Variants in COL4A3 observed in about 807,000 individuals in gnomAD.
COL4A3 encodes collagen alpha-3(IV) chain.
Under a neutral mutation model 217.4 loss-of-function variants are expected in COL4A3, and 135 were observed. The observed-to-expected ratio is 0.62, with a 90% CI of 0.54 to 0.72. The LOEUF is 0.72. COL4A3 is among the 30% of genes least tolerant of loss of function. The pLI is 0.00. For synonymous variants in COL4A3, 690 were observed against 736.3 expected, an observed-to-expected ratio of 0.94 and a Z score of 1.02; for missense variants, 1,868 against 2,119.9, an observed-to-expected ratio of 0.88 and a Z score of 2.33.
intron 1 of COL4A3, among the ~76,000 whole-genome samples, chr2:227,225,466 C>T (rs1644792609): frequency 6.6e-6 from 1 of 152,192 alleles, no homozygotes; most frequent in African/African-American, 2.4e-5. Context: ...TCATGTCTCT[C>T]GATAAGATTA....
chr2:227,202,736 A>T (rs576666523), intron 1 of COL4A3, among the ~76,000 whole-genome samples: 539 of 7,250 alleles, frequency 0.074, 11 homozygotes, highest in South Asian at 0.13. Context: ...ATCCGTCTCT[A>T]AAAAAAAAAA....
chr2:227,175,490 A>C (rs989624388), intron 1 of COL4A3, among the ~76,000 whole-genome samples: 1 of 152,146 alleles, frequency 6.6e-6, no homozygotes, highest in East Asian at 1.9e-4. Context: ...AATAAAAAAA[A>C]CCAAGACAAA....
rs1448701914 is a variant in COL4A3 at position 227,191,546 on chromosome 2, A to T, written c.87+26733A>T. 2.6e-5 allele frequency among the ~76,000 whole-genome samples: 4 copies of T among 152,188 alleles called. No individual in the cohort carries two copies. Among genetic ancestry groups the T allele is most frequent in the Non-Finnish European group, 5.9e-5 (4 of 68,026 alleles). ...CATTCCCCGCATCAAGGATTCAAAGAACCTGCCAAGGGGCTGCAATGGGAG... is the reference window on the plus strand; with the variant it reads ...CATTCCCCGCATCAAGGATTCAAAGTACCTGCCAAGGGGCTGCAATGGGAG... On this transcript the variant is annotated intron_variant, in intron 1 of 51. Coordinates refer to ENST00000396578, the MANE Select transcript of COL4A3 (RefSeq NM_000091.5). This position sits in a 1 kb window ranked among gnomAD's most constrained non-coding sequence, Gnocchi z 6.8.
chr2:227,277,705 T>A, intron 28 of COL4A3, 152 bp downstream of exon 28: 1 of 626,204 alleles, frequency 1.6e-6, no homozygotes, highest in Non-Finnish European at 2.8e-6. Flanking sequence ...TAATACTCTT[T>A]AAAATGTTTT....
intron 1 of COL4A3, among the ~76,000 whole-genome samples, chr2:227,211,649 T>TTTTA (rs71036166): frequency 0.28 from 41,703 of 149,946 alleles, 6,067 homozygotes; most frequent in Admixed American, 0.38. Context: ...TCAGACTTGA[T>TTTTA]TTTATTTATT....
chr2:227,229,613 G>A (rs10221800), intron 1 of COL4A3, among the ~76,000 whole-genome samples: 48,546 of 151,824 alleles, frequency 0.32, 8,151 homozygotes, highest in Non-Finnish European at 0.36. Flanking sequence ...TTGAAAAGGA[G>A]AAAGGGGAGT....
chr2:227,259,702 G>T, intron 18 of COL4A3, 91 bp from the exon 19 acceptor site: 1 of 946,008 alleles, frequency 1.1e-6, no homozygotes, highest in Non-Finnish European at 1.7e-6. Flanking sequence ...AGCCATCTTT[G>T]GGCCAAAATG....
chr2:227,290,822 T>A lies in COL4A3; in HGVS notation c.3146T>A (p.Leu1049His). The change falls in exon 37 of 52, where the codon CTC becomes CAC. Residue 1049 changes from leucine to histidine, a missense_variant. Transcript: ENST00000396578. ...GRPGLPGIHG[L>H]QGDKGEPGYS... is the part of the protein sequence containing the mutation. ...CCAGGCCTCCCAGGTATTCATGGTC[T>A]CCAGGGAGATAAGGGAGAGCCAGGT... The A allele has an allele frequency of 6.2e-7, 1 of 1,613,764 alleles. No homozygotes were observed. The highest frequency in any genetic ancestry group is 2.2e-5 in the East Asian group (1 of 44,884).
At chr2:227,268,602 C>G (rs2071057842) in intron 23 of COL4A3, 1 of 152,214 alleles carries the variant, frequency 6.6e-6, no homozygotes, top group South Asian at 2.1e-4. Flanking sequence ...GGGCAGGGAT[C>G]CTTTGTCCCC....
rs757211772 is a variant in COL4A3 at position 227,272,970 on chromosome 2, G to A, written c.1780G>A (p.Asp594Asn). ...GELALSGEKG[D>N]QGPPGDPGSP... The stretch of plus-strand genomic sequence containing the variant: ...ACAGGCTCTGAGTGGTGAGAAAGGG[G>A]ACCAAGGTCCTCCAGGGGATCCTGG... Residue 594 changes from aspartate to asparagine, a missense_variant, in exon 26 of 52, where the codon GAC becomes AAC. Coordinates refer to ENST00000396578, the MANE Select transcript of COL4A3 (RefSeq NM_000091.5). 1.2e-6 allele frequency: 2 copies of A among 1,614,068 alleles called. No homozygotes were observed. Among genetic ancestry groups the A allele is most frequent in the Non-Finnish European group, 1.7e-6 (2 of 1,180,006 alleles).
intron 1 of COL4A3, among the ~76,000 whole-genome samples, chr2:227,198,074 T>G (rs1950135): frequency 0.47 from 70,975 of 152,096 alleles, 17,706 homozygotes; most frequent in East Asian, 0.78. Flanking sequence ...ACTGTTTGAC[T>G]CTTCCCTCTT....
At position 227,259,798 on chromosome 2, in the gene COL4A3, A is replaced by G; in HGVS notation, c.1035A>G (p.Glu345=). Residue 345 remains glutamate, a synonymous_variant, in exon 19 of 52, where the codon GAA becomes GAG. Transcript: ENST00000396578. ...TTGTTTCTTTCTCCTCTAAGACAGA[A>G]TATTATGACACATACCAGGAAAAGG... The part of the protein sequence containing the change: ...IGPPGFRGPT[E]YYDTYQEKGD... 2 of 1,610,648 alleles carry G rather than the reference A, an allele frequency of 1.2e-6. No homozygotes were observed. Among genetic ancestry groups the G allele is most frequent in the South Asian group, 1.1e-5 (1 of 91,006 alleles).
At chr2:227,211,054 G>A (rs945733122) in intron 1 of COL4A3, among the ~76,000 whole-genome samples, 1 of 152,184 alleles carries the variant, frequency 6.6e-6, no homozygotes, top group African/African-American at 2.4e-5. Flanking sequence ...AGGCTGGAGT[G>A]CAGTGGTGCA....
At chr2:227,303,253 C>T in intron 44 of COL4A3, 143 bp downstream of exon 44, 1 of 702,382 alleles carries the variant, frequency 1.4e-6, no homozygotes, top group South Asian at 1.6e-5. Flanking sequence ...GAAGGCTCCA[C>T]TACACTATTT....
intron 18 of COL4A3, 58 bp from the exon 19 acceptor site, chr2:227,259,735 T>C (rs1463035559): frequency 8.1e-7 from 1 of 1,231,164 alleles, no homozygotes; most frequent in South Asian, 1.2e-5. Flanking sequence ...TAATGATGTT[T>C]GGTGAGCTGT....
At chr2:227,295,192 T>G in intron 40 of COL4A3, 77 bp from the exon 41 acceptor site, 1 of 1,525,734 alleles carries the variant, frequency 6.6e-7, no homozygotes, top group Non-Finnish European at 9.1e-7. Context: ...GTTTTCGGTG[T>G]GTACTAAACT....
At chr2:227,202,743 AAAAATATAT>A (rs869170289) in intron 1 of COL4A3, among the ~76,000 whole-genome samples, 2,154 of 27,188 alleles carry the variant, frequency 0.079, 149 homozygotes, top group African/African-American at 0.18. Flanking sequence ...TCTAAAAAAA[AAAAATATAT>A]ATATATATAT....
intron 1 of COL4A3, among the ~76,000 whole-genome samples, chr2:227,230,434 G>A (rs1481579341): frequency 2.0e-5 from 3 of 152,084 alleles, no homozygotes; most frequent in Non-Finnish European, 2.9e-5. Flanking sequence ...GGAAACTATG[G>A]GGTAATTTAT....
chr2:227,253,204 T>C lies in COL4A3; in HGVS notation c.646-92T>C. 1 of 1,001,672 alleles carries C rather than the reference T, an allele frequency of 1.0e-6. No individual in the cohort carries two copies. The highest frequency in any genetic ancestry group is 3.0e-4 in the Middle Eastern group (1 of 3,368). The allele number at this position is 1,001,672 out of a possible 1,614,324, so 62.0% of individuals were successfully genotyped here. ...TCTAAAATGAAAGTTAAAATATAAA[T>C]GCTCCCTTACAAATATTGGAACTTT... On this transcript the variant is annotated intron_variant, in intron 11 of 51. Coordinates refer to ENST00000396578, the MANE Select transcript of COL4A3 (RefSeq NM_000091.5). The surrounding 1 kb of genome is among the most constrained non-coding windows in gnomAD (Gnocchi z 4.4).
Sources: allele counts gnomAD v4.1 joint callset (sites outside exome capture counted in the v4.1 genomes callset), GRCh38; gene constraint gnomAD v4.1.1; non-coding constraint Gnocchi (gnomAD v3.1); transcripts MANE v1.5; gene names NCBI Gene and HGNC (gene_info 2026-07-23, HGNC 2026-07-21).